Variants in MOK observed in about 807,000 individuals in gnomAD.
MOK encodes MOK protein kinase.
A neutral mutation model predicts 54.2 loss-of-function variants in MOK; 59 were observed. That is an observed-to-expected ratio of 1.09 (90% CI 0.88 to 1.35). MOK has a LOEUF of 1.35. Among genes scored for constraint, MOK ranks in the 40% most tolerant of loss-of-function variants. The pLI, the probability that MOK is intolerant of heterozygous loss-of-function variation, is 0.00. For synonymous variants in MOK, 210 were observed against 202.7 expected, an observed-to-expected ratio of 1.04 and a Z score of -0.31; for missense variants, 517 against 526.2, an observed-to-expected ratio of 0.98 and a Z score of 0.17.
chr14:102,281,382 CCT>C (rs2069411944), intron 2 of MOK, among the ~76,000 whole-genome samples: 1 of 151,028 alleles, frequency 6.6e-6, no homozygotes, highest in Non-Finnish European at 1.5e-5. Flanking sequence ...ACCTGTAGTC[CCT>C]GTTACTCATG....
At chr14:102,278,724 C>G (rs1475498648) in intron 2 of MOK, 1 of 456,152 alleles carries the variant, frequency 2.2e-6, no homozygotes, top group Non-Finnish European at 4.4e-6. Flanking sequence ...ATCTTCCTCC[C>G]AGGGCCGCAG....
chr14:102,239,061 C>T (rs1198735906), intron 7 of MOK, among the ~76,000 whole-genome samples: 1 of 152,206 alleles, frequency 6.6e-6, no homozygotes, highest in Non-Finnish European at 1.5e-5. Context: ...CAGATCCCCA[C>T]AAGAGAAATC....
intron 1 of MOK, among the ~76,000 whole-genome samples, chr14:102,286,253 C>T (rs1011245238): frequency 3.6e-5 from 5 of 140,484 alleles, no homozygotes; most frequent in South Asian, 4.5e-4. Flanking sequence ...GAGCCGAGAT[C>T]GCGCCACTGC....
intron 7 of MOK, among the ~76,000 whole-genome samples, chr14:102,242,022 C>T (rs921993002): frequency 6.6e-6 from 1 of 152,232 alleles, no homozygotes; most frequent in African/African-American, 2.4e-5. Flanking sequence ...GCCCAGCAGC[C>T]ACTCCCAGAG....
chr14:102,226,468 C>A, downstream of MOK: 1 of 701,860 alleles, frequency 1.4e-6, no homozygotes, highest in South Asian at 1.5e-5. The surrounding 1 kb of genome is among the most constrained non-coding windows in gnomAD (Gnocchi z 4.8). Context: ...ATAATCCGGC[C>A]AGCCAGGGTT....
downstream of MOK, chr14:102,222,790 C>G: frequency 6.2e-7 from 1 of 1,613,126 alleles, no homozygotes; most frequent in Non-Finnish European, 8.5e-7. This position sits in a 1 kb window ranked among gnomAD's most constrained non-coding sequence, Gnocchi z 4.4. Context: ...GTTGCCCGTC[C>G]GGTGTTTTGC....
chr14:102,232,817 A>AG lies in MOK; in HGVS notation c.693-110dup. On this transcript the variant is annotated intron_variant, in intron 8 of 11. Transcript: ENST00000361847. The surrounding 1 kb of genome is among the most constrained non-coding windows in gnomAD (Gnocchi z 5.1). ...GTGGTGGGGAATGGTTTATGACTGC[A>AG]GAGTCTACACCTGTCCCAGCCCACA... The AG allele has an allele frequency of 2.1e-6, 2 of 974,808 alleles. No homozygotes were observed. Among genetic ancestry groups the AG allele is most frequent in the Non-Finnish European group, 3.1e-6 (2 of 651,950 alleles). 60.4% of individuals were successfully genotyped at this position (974,808 alleles called of 1,614,324 possible).
At chr14:102,216,508 A>G in the MOK span, among the ~76,000 whole-genome samples, 4 of 152,220 alleles carry the variant, frequency 2.6e-5, no homozygotes, top group Admixed American at 6.5e-5. Flanking sequence ...CATGTTGCCC[A>G]GGCTAGCACT....
intron 1 of MOK, among the ~76,000 whole-genome samples, chr14:102,302,473 T>C (rs79492849): frequency 6.6e-6 from 1 of 151,908 alleles, no homozygotes; most frequent in Non-Finnish European, 1.5e-5. Context: ...TGCAGTACAG[T>C]GGCCCGATCT....
intron 2 of MOK, among the ~76,000 whole-genome samples, chr14:102,274,944 C>T (rs1403399557): frequency 6.8e-6 from 1 of 146,524 alleles, no homozygotes; most frequent in African/African-American, 2.6e-5. Flanking sequence ...CACTGCACTC[C>T]AGCCTGCATG....
intron 1 of MOK, 148 bp from the exon 2 acceptor site, chr14:102,283,740 C>T: frequency 1.8e-6 from 1 of 566,922 alleles, no homozygotes; most frequent in African/African-American, 1.9e-5. Context: ...TTTAGTGGTC[C>T]CCTCAACTTT....
intron 2 of MOK, among the ~76,000 whole-genome samples, chr14:102,282,362 TA>T (rs2069533829): frequency 6.6e-6 from 1 of 151,994 alleles, no homozygotes; most frequent in African/African-American, 2.4e-5. Context: ...ATTAATATAA[TA>T]TTAATATATT....
At chr14:102,263,800 T>C in intron 3 of MOK, 184 bp from the exon 4 acceptor site, 1 of 433,742 alleles carries the variant, frequency 2.3e-6, no homozygotes, top group Non-Finnish European at 4.0e-6. Flanking sequence ...TAAAATTAAC[T>C]AAAAATACTA....
intron 2 of MOK, among the ~76,000 whole-genome samples, chr14:102,276,130 A>T (rs2068839361): frequency 6.6e-6 from 1 of 152,178 alleles, no homozygotes; most frequent in African/African-American, 2.4e-5. Context: ...AAGAATAACA[A>T]CATCAAATGC....
At chr14:102,301,193 C>A (rs907176320) in intron 1 of MOK, among the ~76,000 whole-genome samples, 2 of 152,198 alleles carry the variant, frequency 1.3e-5, no homozygotes, top group African/African-American at 2.4e-5. Flanking sequence ...TGAATCCAGG[C>A]AACCTGAAGA....
intron 1 of MOK, among the ~76,000 whole-genome samples, chr14:102,299,216 T>C (rs2071857831): frequency 1.3e-5 from 2 of 152,172 alleles, no homozygotes; most frequent in Non-Finnish European, 1.5e-5. Flanking sequence ...ACAGATACTT[T>C]TAAAAATTCT....
intron 4 of MOK, among the ~76,000 whole-genome samples, chr14:102,255,800 A>T (rs1040128066): frequency 2.0e-5 from 3 of 152,230 alleles, no homozygotes; most frequent in Non-Finnish European, 4.4e-5. Flanking sequence ...CCCTTAGTGA[A>T]TTCCAGCAGG....
chr14:102,261,254 C>CAAAAAA (rs71116891), intron 4 of MOK, among the ~76,000 whole-genome samples: 21,028 of 86,172 alleles, frequency 0.24, 3,408 homozygotes, highest in African/African-American at 0.44. Context: ...ACTCTGCCTA[C>CAAAAAA]AAAAAAAAAA....
At chr14:102,241,108 G>C (rs2065679675) in intron 7 of MOK, among the ~76,000 whole-genome samples, 1 of 152,116 alleles carries the variant, frequency 6.6e-6, no homozygotes, top group Non-Finnish European at 1.5e-5. Flanking sequence ...CTGACGTCCA[G>C]GCATTCTTTT....
Sources: gnomAD v4.1 joint callset for allele counts (sites outside exome capture counted in the v4.1 genomes callset) on GRCh38, gnomAD v4.1.1 for gene constraint, Gnocchi (gnomAD v3.1) non-coding constraint, MANE v1.5 for transcripts, NCBI Gene and HGNC (gene_info 2026-07-23, HGNC 2026-07-21) for gene names.